BTBD9: variants seen among roughly 807,000 people sequenced by gnomAD.
The protein encoded by BTBD9 is BTB domain containing 9, also known as BTB/POZ domain-containing protein 9.
Under a neutral mutation model 64.3 loss-of-function variants are expected in BTBD9, and 49 were observed. The ratio of observed to expected loss-of-function variants is 0.76; its 90% CI spans 0.61 to 0.97. BTBD9 has a LOEUF of 0.97. BTBD9 is among the 50% of genes least tolerant of loss of function. BTBD9 has a pLI of 0.00. For synonymous variants in BTBD9, 260 were observed against 274.7 expected (o/e 0.95, Z 0.53); for missense variants, 598 against 762.1 (o/e 0.78, Z 2.53).
At chr6:38,295,813 C>T (rs1561986455) in intron 7 of BTBD9, among the ~76,000 whole-genome samples, 2 of 152,064 alleles carry the variant, frequency 1.3e-5, no homozygotes, top group South Asian at 2.1e-4. Context: ...CTTTGGGAGG[C>T]GGAGGCAGGC....
At chr6:38,317,160 C>T (rs1763058544) in intron 7 of BTBD9, among the ~76,000 whole-genome samples, 1 of 151,878 alleles carries the variant, frequency 6.6e-6, no homozygotes, top group Non-Finnish European at 1.5e-5. Context: ...CATGCTCAGT[C>T]CATTTTTGGT....
intron 7 of BTBD9, among the ~76,000 whole-genome samples, chr6:38,333,720 C>T (rs1433975755): frequency 6.6e-6 from 1 of 152,210 alleles, no homozygotes; most frequent in African/African-American, 2.4e-5. Context: ...GTACAGCCCA[C>T]AAAACCATGA....
At chr6:38,456,190 G>T (rs890015114) in intron 6 of BTBD9, among the ~76,000 whole-genome samples, 1 of 151,972 alleles carries the variant, frequency 6.6e-6, no homozygotes, top group South Asian at 2.1e-4. Flanking sequence ...GTTTCACCAT[G>T]TTGGCCAGGC....
chr6:38,463,867 A>C (rs1770217274), intron 6 of BTBD9, among the ~76,000 whole-genome samples: 1 of 152,156 alleles, frequency 6.6e-6, no homozygotes, highest in African/African-American at 2.4e-5. Context: ...TCCCATCTCT[A>C]CAAAAAATAC....
At chr6:38,435,997 C>G (rs936514012) in intron 6 of BTBD9, among the ~76,000 whole-genome samples, 1 of 151,502 alleles carries the variant, frequency 6.6e-6, no homozygotes, top group African/African-American at 2.4e-5. Context: ...AACCATAGGC[C>G]CAAGGGGACA....
At chr6:38,451,301 A>G (rs1420277341) in intron 6 of BTBD9, among the ~76,000 whole-genome samples, 1 of 152,224 alleles carries the variant, frequency 6.6e-6, no homozygotes, top group Non-Finnish European at 1.5e-5. Context: ...CAATGAATAA[A>G]TGTAGATATT....
At chr6:38,191,523 C>G (rs1367288951) in intron 10 of BTBD9, among the ~76,000 whole-genome samples, 1 of 152,224 alleles carries the variant, frequency 6.6e-6, no homozygotes, top group African/African-American at 2.4e-5. Flanking sequence ...CAGGGACACC[C>G]CACTGCCACC....
chr6:38,493,667 G>A (rs1187274180), intron 6 of BTBD9, among the ~76,000 whole-genome samples: 1 of 152,218 alleles, frequency 6.6e-6, no homozygotes, highest in Non-Finnish European at 1.5e-5. Context: ...GCTACCAAGA[G>A]TAGCCTTTGG....
At chr6:38,179,999 C>T in intron 10 of BTBD9, 1 of 376,730 alleles carries the variant, frequency 2.7e-6, no homozygotes, top group Non-Finnish European at 5.3e-6. Context: ...CTGGTCACCC[C>T]TCTGTGGAGC....
chr6:38,393,449 A>G (rs1314232054), intron 6 of BTBD9, among the ~76,000 whole-genome samples: 1 of 152,164 alleles, frequency 6.6e-6, no homozygotes, highest in Non-Finnish European at 1.5e-5. Context: ...CTTAAATTTC[A>G]AATCCAGAAA....
At chr6:38,534,088 CAA>C (rs1170668751) in intron 6 of BTBD9, among the ~76,000 whole-genome samples, 1 of 151,540 alleles carries the variant, frequency 6.6e-6, no homozygotes, top group Non-Finnish European at 1.5e-5. Context: ...ACTGATGAAA[CAA>C]AGACTTGGTT....
chr6:38,193,800 T>C (rs1762182100), intron 9 of BTBD9: 2 of 985,050 alleles, frequency 2.0e-6, no homozygotes, highest in Non-Finnish European at 2.4e-6. Context: ...AAAATATATA[T>C]GTATTTGCAG....
At chr6:38,532,795 T>A (rs1487104996) in intron 6 of BTBD9, among the ~76,000 whole-genome samples, 1 of 151,878 alleles carries the variant, frequency 6.6e-6, no homozygotes, top group Non-Finnish European at 1.5e-5. Flanking sequence ...CCAGGCAGTA[T>A]GCCATGGGCC....
At chr6:38,477,420 T>C (rs1770933848) in intron 6 of BTBD9, among the ~76,000 whole-genome samples, 5 of 152,250 alleles carry the variant, frequency 3.3e-5, no homozygotes, top group Admixed American at 2.6e-4. Flanking sequence ...CTACAGGACA[T>C]GCCAGGGGCA....
At chr6:38,465,461 CAAAA>C (rs762391834) in intron 6 of BTBD9, among the ~76,000 whole-genome samples, 2 of 67,494 alleles carry the variant, frequency 3.0e-5, no homozygotes, top group Non-Finnish European at 6.2e-5. Context: ...ACTAAAAATA[CAAAA>C]AAAAAAAAAA....
chr6:38,330,896 G>C (rs1398120698), intron 7 of BTBD9, among the ~76,000 whole-genome samples: 2 of 152,128 alleles, frequency 1.3e-5, no homozygotes, highest in Non-Finnish European at 2.9e-5. Flanking sequence ...ATGGAGTAAA[G>C]AGCTAAATGC....
At position 38,572,540 on chromosome 6, in the gene BTBD9, G is replaced by A. The variant is rs1298170373; in HGVS notation, c.1154+5060C>T. 2.6e-5 allele frequency among the ~76,000 whole-genome samples: 4 copies of A among 152,134 alleles called. No individual in the cohort carries two copies. The East Asian group carries it at 5.8e-4, about 22-fold the overall frequency. On this transcript the variant is annotated intron_variant, in intron 6 of 10. Transcript: ENST00000481247. The stretch of plus-strand genomic sequence containing the variant: ...CATTCTAAGAAAAGAAGAAAAAGGA[G>A]GGAAGTGAACTACAATAATTAAAAT...
chr6:38,495,578 T>C (rs374755626), intron 6 of BTBD9, among the ~76,000 whole-genome samples: 9 of 152,336 alleles, frequency 5.9e-5, no homozygotes, highest in African/African-American at 9.6e-5. Context: ...AGGAACAGAA[T>C]TGGCATTTGT....
chr6:38,453,877 C>T (rs559807596), intron 6 of BTBD9, among the ~76,000 whole-genome samples: 16 of 152,146 alleles, frequency 1.1e-4, no homozygotes, highest in Admixed American at 7.2e-4. Flanking sequence ...AAATAGTGGG[C>T]GAATGTTGAA....
Sources: allele counts gnomAD v4.1 joint callset (sites outside exome capture counted in the v4.1 genomes callset), GRCh38; gene constraint gnomAD v4.1.1; transcripts MANE v1.5; gene names NCBI Gene and HGNC (gene_info 2026-07-23, HGNC 2026-07-21).